CDH12: variants seen among roughly 807,000 people sequenced by gnomAD.
The protein encoded by CDH12 is cadherin 12, also known as cadherin-12.
CDH12 carries 41 observed loss-of-function variants against 74.1 expected under a neutral mutation model. The ratio of observed to expected loss-of-function variants is 0.55; its 90% CI spans 0.43 to 0.72. CDH12 has a LOEUF of 0.72. Among genes scored for constraint, CDH12 ranks in the 30% least tolerant of loss-of-function variants. The pLI, the probability that CDH12 is intolerant of heterozygous loss-of-function variation, is 0.00. For missense variants in CDH12, 945 were observed against 977.2 expected (o/e 0.97, Z 0.44); for synonymous variants, 399 against 355.0 (o/e 1.12, Z -1.39).
At chr5:22,639,813 C>A (rs896407765) in intron 1 of CDH12, among the ~76,000 whole-genome samples, 8 of 152,000 alleles carry the variant, frequency 5.3e-5, no homozygotes, top group Non-Finnish European at 7.4e-5. Context: ...ATGATCCACC[C>A]CAATACAGTT....
rs535860030 is a variant in CDH12, at chr5:22,601,439, G to T, written c.-522-96075C>A. On this transcript the variant is annotated intron_variant, in intron 1 of 14. Coordinates refer to ENST00000382254, the MANE Select transcript of CDH12 (RefSeq NM_004061.5). ...AAATTTTAGTCTAAATGAGTGTGCA[G>T]AACTCATAGAAAATTAAGAAGTGAC... Among the ~76,000 whole-genome samples, 3 of 152,046 alleles carry T rather than the reference G, an allele frequency of 2.0e-5. No individual in the cohort carries two copies. In the South Asian group the frequency reaches 6.2e-4, roughly 32 times the overall value.
intron 1 of CDH12, among the ~76,000 whole-genome samples, chr5:22,633,076 G>C (rs1738666516): frequency 6.6e-6 from 1 of 152,014 alleles, no homozygotes; most frequent in African/African-American, 2.4e-5. Context: ...GAATGAAACA[G>C]TCAACCAACA....
At chr5:22,507,828 A>C (rs1020528413) in intron 1 of CDH12, among the ~76,000 whole-genome samples, 5 of 152,208 alleles carry the variant, frequency 3.3e-5, no homozygotes, top group African/African-American at 1.2e-4. Context: ...AGATGAAATC[A>C]AGGTGTCACG....
intron 5 of CDH12, among the ~76,000 whole-genome samples, chr5:22,072,530 TTGTGTGTG>T (rs36214247): frequency 0.026 from 3,801 of 146,302 alleles, 166 homozygotes; most frequent in African/African-American, 0.089. Flanking sequence ...TATAGCACTT[TTGTGTGTG>T]TGTGTGTGTG....
At chr5:22,729,518 T>C (rs901511870) in intron 1 of CDH12, among the ~76,000 whole-genome samples, 1 of 151,896 alleles carries the variant, frequency 6.6e-6, no homozygotes, top group Non-Finnish European at 1.5e-5. Context: ...ATGGGTATGA[T>C]AGCATACTTG....
chr5:21,884,255 C>G, intron 6 of CDH12: 1 of 1,498,904 alleles, frequency 6.7e-7, no homozygotes, highest in African/African-American at 1.4e-5. Context: ...AAGAGAAGGA[C>G]CCTGGAATGG....
chr5:22,419,196 G>A (rs781500805), intron 2 of CDH12, among the ~76,000 whole-genome samples: 8 of 152,120 alleles, frequency 5.3e-5, no homozygotes, highest in Non-Finnish European at 1.0e-4. Flanking sequence ...GTGCAAGTTT[G>A]TTACACCGGT....
At chr5:22,789,283 T>TA (rs1288519148) in intron 1 of CDH12, among the ~76,000 whole-genome samples, 1 of 152,054 alleles carries the variant, frequency 6.6e-6, no homozygotes, top group Non-Finnish European at 1.5e-5. Flanking sequence ...ATGTCACATA[T>TA]TATAAGCAGT....
At chr5:22,571,994 T>C (rs1235332726) in intron 1 of CDH12, among the ~76,000 whole-genome samples, 2 of 152,132 alleles carry the variant, frequency 1.3e-5, no homozygotes, top group African/African-American at 4.8e-5. Flanking sequence ...AGTAAGCATA[T>C]GCTGTTGGAA....
intron 6 of CDH12, 74 bp downstream of exon 6, chr5:21,975,017 T>C (rs1756999512): frequency 2.3e-6 from 2 of 868,598 alleles, no homozygotes; most frequent in East Asian, 2.4e-5. Context: ...GATAAGATGT[T>C]TACATCAACC....
intron 8 of CDH12, among the ~76,000 whole-genome samples, chr5:21,818,829 A>C (rs1340814551): frequency 6.6e-6 from 1 of 152,036 alleles, no homozygotes; most frequent in Non-Finnish European, 1.5e-5. Context: ...TAGACCTAAC[A>C]ACAACAACAA....
At chr5:21,847,321 C>A (rs1750227615) in intron 7 of CDH12, among the ~76,000 whole-genome samples, 1 of 152,082 alleles carries the variant, frequency 6.6e-6, no homozygotes, top group African/African-American at 2.4e-5. Flanking sequence ...GTTAGCCATT[C>A]TATCCAAAAT....
chr5:22,812,459 G>T (rs763173597), intron 1 of CDH12, among the ~76,000 whole-genome samples: 4 of 152,124 alleles, frequency 2.6e-5, no homozygotes, highest in Admixed American at 2.0e-4. Context: ...ATTCTAGTTG[G>T]GATAGCAGAG....
At chr5:21,861,184 G>A (rs1478796192) in intron 6 of CDH12, among the ~76,000 whole-genome samples, 1 of 151,668 alleles carries the variant, frequency 6.6e-6, no homozygotes, top group Admixed American at 6.6e-5. Flanking sequence ...CTCCTGTGGG[G>A]TTTAACTACC....
At chr5:22,124,155 T>A (rs572433692) in intron 4 of CDH12, among the ~76,000 whole-genome samples, 1 of 151,640 alleles carries the variant, frequency 6.6e-6, no homozygotes, top group Non-Finnish European at 1.5e-5. Flanking sequence ...ATTATTATTT[T>A]ATTTTATTTC....
At chr5:21,938,876 T>C (rs2150088053) in intron 6 of CDH12, among the ~76,000 whole-genome samples, 2 of 150,906 alleles carry the variant, frequency 1.3e-5, no homozygotes, top group East Asian at 3.9e-4. Flanking sequence ...CGTAGGGCTA[T>C]TCTGAAACAA....
chr5:22,731,535 T>C (rs1195509657), intron 1 of CDH12, among the ~76,000 whole-genome samples: 2 of 151,892 alleles, frequency 1.3e-5, no homozygotes, highest in Non-Finnish European at 2.9e-5. Flanking sequence ...GACAAAAGAC[T>C]AAAATGTTTG....
At chr5:22,628,908 T>C (rs1738435566) in intron 1 of CDH12, among the ~76,000 whole-genome samples, 3 of 150,878 alleles carry the variant, frequency 2.0e-5, no homozygotes, top group Non-Finnish European at 4.4e-5. Flanking sequence ...GAAATGACAA[T>C]GGGGACATTA....
chr5:21,789,550 G>A (rs1746379704), intron 10 of CDH12, among the ~76,000 whole-genome samples: 2 of 152,028 alleles, frequency 1.3e-5, no homozygotes, highest in South Asian at 4.2e-4. Context: ...ATTTATTTTT[G>A]TTTCACTGGG....
Sources: gnomAD v4.1 joint callset for allele counts (sites outside exome capture counted in the v4.1 genomes callset) on GRCh38, gnomAD v4.1.1 for gene constraint, MANE v1.5 for transcripts, NCBI Gene and HGNC (gene_info 2026-07-23, HGNC 2026-07-21) for gene names.